The following TRAF2 variants were observed in gnomAD, a reference collection of about 807,000 sequenced individuals.
TRAF2 encodes the protein TNF receptor associated factor 2.
In TRAF2, 6 loss-of-function variants were observed where a neutral mutation model predicts 55.6. That is an observed-to-expected ratio of 0.11 (90% CI 0.06 to 0.21). The LOEUF is 0.21. TRAF2 is among the 10% of genes least tolerant of loss of function. The probability of loss-of-function intolerance (pLI) is 1.00; values close to 1 mark genes in which losing one functional copy is unlikely to be tolerated. For missense variants in TRAF2, 561 were observed against 684.5 expected, an observed-to-expected ratio of 0.82 and a Z score of 2.01; for synonymous variants, 329 against 276.3, an observed-to-expected ratio of 1.19 and a Z score of -1.89.
At position 136,926,037 on chromosome 9, in the gene TRAF2, G is replaced by C. The variant is rs1239576887; in HGVS notation, c.*136G>C. The C allele has an allele frequency of 1.9e-6, 2 of 1,070,870 alleles. No homozygotes were observed. The highest frequency in any genetic ancestry group is 3.1e-5 in the African/African-American group (2 of 64,774). The allele number at this position is 1,070,870 out of a possible 1,614,324, so 66.3% of individuals were successfully genotyped here. A position where few individuals can be genotyped will look rare whatever the true frequency, so the allele number is the denominator to read the frequency against. On this transcript the variant is annotated 3_prime_UTR_variant, in exon 11 of 11. Coordinates refer to ENST00000247668, the MANE Select transcript of TRAF2 (RefSeq NM_021138.4). ...TGGGCGCTTGGGAGGGTGTCGGCCT[G>C]CAGCCAAGTTCACTGTCACGGGGGA... is the stretch of plus-strand genomic sequence containing the variant.
chr9:136,893,160 C>G (rs1849615034), intron 1 of TRAF2, among the ~76,000 whole-genome samples: 2 of 152,190 alleles, frequency 1.3e-5, no homozygotes, highest in Non-Finnish European at 2.9e-5. Context: ...CCCACAGGAG[C>G]AGGTGCACCC....
At chr9:136,906,520 A>G (rs991690212) in intron 4 of TRAF2, among the ~76,000 whole-genome samples, 2 of 151,968 alleles carry the variant, frequency 1.3e-5, no homozygotes, top group African/African-American at 4.8e-5. Flanking sequence ...CCACCCCATG[A>G]TTCAATGACC....
At chr9:136,916,207 G>T (rs1850237244) in intron 6 of TRAF2, among the ~76,000 whole-genome samples, 1 of 152,156 alleles carries the variant, frequency 6.6e-6, no homozygotes, top group South Asian at 2.1e-4. Flanking sequence ...TCTGGGTTTT[G>T]AACCCAGGCC....
intron 1 of TRAF2, among the ~76,000 whole-genome samples, chr9:136,893,677 G>T (rs570229595): frequency 3.3e-5 from 5 of 152,350 alleles, no homozygotes; most frequent in African/African-American, 1.2e-4. Context: ...GAGGATGGTT[G>T]TCTTGGGGCC....
chr9:136,925,590 C>A (rs1209690428), intron 10 of TRAF2, 93 bp from the exon 11 acceptor site: 28 of 1,322,762 alleles, frequency 2.1e-5, no homozygotes, highest in Non-Finnish European at 6.3e-6. Flanking sequence ...GGGATGGCCT[C>A]CTGCTGGTGG....
intron 7 of TRAF2, among the ~76,000 whole-genome samples, chr9:136,918,238 T>C (rs1850287945): frequency 2.3e-5 from 1 of 44,076 alleles, no homozygotes; most frequent in Non-Finnish European, 4.0e-5. Context: ...TATATATATA[T>C]ATATATATAT....
At chr9:136,905,009 T>TGTGAA (rs1849913548) in intron 4 of TRAF2, among the ~76,000 whole-genome samples, 1 of 152,200 alleles carries the variant, frequency 6.6e-6, no homozygotes, top group Non-Finnish European at 1.5e-5. Context: ...GCTGTGCCTG[T>TGTGAA]GTGAAGGTTT....
chr9:136,899,613 G>A lies in TRAF2; in HGVS notation c.208G>A (p.Ala70Thr). The change falls in exon 3 of 11, where the codon GCT (alanine) becomes ACT (threonine). Residue 70 changes from alanine to threonine, a missense_variant. Physicochemically the swap from Ala to Thr is moderately conservative, Grantham distance 58. This residue lies in a region of TRAF2 where 426 missense variants were observed against 476.8 expected (regional missense o/e 0.89). Transcript: ENST00000247668. ...CACTAGCTCTGGGCCTCAGAACTGT[G>A]CTGCCTGTGTTCACGAGGGCATATA... ...SILSSGPQNC[A>T]ACVHEGIYEE... 1 of 1,613,216 alleles carries A rather than the reference G, an allele frequency of 6.2e-7. No homozygotes were observed. The highest frequency in any genetic ancestry group is 1.7e-4 in the Middle Eastern group (1 of 6,056).
intron 1 of TRAF2, among the ~76,000 whole-genome samples, chr9:136,895,152 G>A (rs534617835): frequency 2.0e-5 from 3 of 152,270 alleles, no homozygotes; most frequent in African/African-American, 7.2e-5. Context: ...AAAACTTGCC[G>A]GTCCTGGGCC....
chr9:136,921,194 A>G lies in TRAF2; in HGVS notation c.1117A>G (p.Ile373Val), dbSNP rs1342045920. 3.1e-6 allele frequency: 5 copies of G among 1,613,624 alleles called. No individual in the cohort carries two copies. Among genetic ancestry groups the G allele is most frequent in the Non-Finnish European group, 3.4e-6 (4 of 1,180,014 alleles). The change falls in exon 9 of 11, where the codon ATA becomes GTA. Residue 373 changes from isoleucine (I) to valine (V), a missense_variant. Physicochemically the swap from Ile to Val is conservative, Grantham distance 29 (BLOSUM62 3). This residue lies in a region of TRAF2 where 135 missense variants were observed against 207.7 expected (regional missense o/e 0.65). Transcript: ENST00000247668. ...RKRQEAVAGR[I>V]PAIFSPAFYT... ...GCGCCAGGAAGCTGTGGCTGGCCGC[A>G]TACCCGCCATCTTCTCCCCAGGTGT...
chr9:136,916,517 C>G, intron 6 of TRAF2, 24 bp from the exon 7 acceptor site: 2 of 1,612,248 alleles, frequency 1.2e-6, no homozygotes, highest in South Asian at 2.2e-5. Context: ...AGAAAGATGG[C>G]TCTGTGACGT....
At chr9:136,898,669 C>T (rs1849742927) in intron 1 of TRAF2, 44 bp from the exon 2 acceptor site, 3 of 1,602,116 alleles carry the variant, frequency 1.9e-6, no homozygotes, top group Non-Finnish European at 8.5e-7. Flanking sequence ...GTCTCGAGGA[C>T]TGTTCTGGAA....
chr9:136,906,087 A>G (rs1417507521), intron 4 of TRAF2, among the ~76,000 whole-genome samples: 7 of 152,118 alleles, frequency 4.6e-5, no homozygotes, highest in East Asian at 1.9e-4. Context: ...ACGACAGAGC[A>G]AGATTCCATC....
At chr9:136,902,784 CTT>C (rs1849852036) in intron 4 of TRAF2, among the ~76,000 whole-genome samples, 2 of 152,190 alleles carry the variant, frequency 1.3e-5, no homozygotes, top group South Asian at 2.1e-4. Flanking sequence ...AGCCGCCTCT[CTT>C]TGCTCTCCGG....
intron 1 of TRAF2, among the ~76,000 whole-genome samples, chr9:136,886,962 G>A (rs1296607982): frequency 6.6e-6 from 1 of 152,084 alleles, no homozygotes; most frequent in Admixed American, 6.5e-5. Context: ...CCGAAGCCCC[G>A]CACCCTCAGC....
intron 9 of TRAF2, among the ~76,000 whole-genome samples, chr9:136,921,995 G>C (rs1458841574): frequency 6.6e-6 from 1 of 152,230 alleles, no homozygotes; most frequent in African/African-American, 2.4e-5. Context: ...AGGCTGAGTT[G>C]GTGAACCTGC....
At chr9:136,890,007 C>T (rs909725567) in intron 1 of TRAF2, among the ~76,000 whole-genome samples, 2 of 144,850 alleles carry the variant, frequency 1.4e-5, no homozygotes, top group African/African-American at 2.6e-5. Context: ...CCCCACCGCA[C>T]GCTCGTTCAG....
Position 136,886,550 on chromosome 9 carries a change from AGCGCGGGGTCGG to A in TRAF2, c.-29+11_-29+22del. 1 of 975,644 alleles carries A rather than the reference AGCGCGGGGTCGG, an allele frequency of 1.0e-6. No individual in the cohort carries two copies. The highest frequency in any genetic ancestry group is 4.6e-5 in the South Asian group (1 of 21,770). 60.4% of individuals were successfully genotyped at this position (975,644 alleles called of 1,614,324 possible). On this transcript the variant is annotated intron_variant, in intron 1 of 10. Coordinates refer to ENST00000247668, the MANE Select transcript of TRAF2 (RefSeq NM_021138.4). ...CGCGCTGCGACCGTTGGGTGAGGCG[AGCGCGGGGTCGG>A]GTGCGGGGTCGGGCGCGGGCGCGGG...
intron 6 of TRAF2, among the ~76,000 whole-genome samples, chr9:136,913,123 A>G (rs1303405614): frequency 6.6e-6 from 1 of 152,002 alleles, no homozygotes; most frequent in Non-Finnish European, 1.5e-5. Flanking sequence ...AGCCTGGGCC[A>G]CAGAGTGAAA....
Sources: gnomAD v4.1 joint callset for allele counts (sites outside exome capture counted in the v4.1 genomes callset) on GRCh38, gnomAD v4.1.1 for gene constraint, gnomAD v4.1.1 regional missense constraint, MANE v1.5 for transcripts, NCBI Gene and HGNC (gene_info 2026-07-23, HGNC 2026-07-21) for gene names.